The following IMMP2L variants were observed in gnomAD, a reference collection of about 807,000 sequenced individuals.
IMMP2L encodes the protein mitochondrial inner membrane protease subunit 2.
In IMMP2L, 18 loss-of-function variants were observed where a neutral mutation model predicts 19.3. That is an observed-to-expected ratio of 0.93 (90% CI 0.64 to 1.38). IMMP2L has a LOEUF of 1.38. Ranked by LOEUF, IMMP2L falls within the 40% of genes most tolerant of loss-of-function variation. The pLI is 0.00. For missense variants in IMMP2L, 233 were observed against 218.2 expected (o/e 1.07, Z -0.43); for synonymous variants, 76 against 73.0 (o/e 1.04, Z -0.21).
At chr7:110,849,307 T>A (rs1014391108) in intron 5 of IMMP2L, among the ~76,000 whole-genome samples, 2 of 152,118 alleles carry the variant, frequency 1.3e-5, no homozygotes, top group African/African-American at 4.8e-5. Context: ...AAGAGTAACT[T>A]ACAAGAAATG....
At chr7:111,257,481 CATA>C (rs766174130) in intron 3 of IMMP2L, among the ~76,000 whole-genome samples, 11 of 152,098 alleles carry the variant, frequency 7.2e-5, no homozygotes, top group Non-Finnish European at 1.6e-4. Flanking sequence ...TAATTTGGCA[CATA>C]ATAATTCAGG....
chr7:111,389,860 C>T (rs1832162507), intron 3 of IMMP2L, among the ~76,000 whole-genome samples: 1 of 152,000 alleles, frequency 6.6e-6, no homozygotes. Flanking sequence ...GCTAATACAG[C>T]CTATATAATT....
intron 5 of IMMP2L, among the ~76,000 whole-genome samples, chr7:110,667,608 G>A (rs1012745018): frequency 2.6e-5 from 4 of 152,182 alleles, no homozygotes; most frequent in African/African-American, 9.7e-5. Context: ...CTTTGAAGGT[G>A]CAGAAAAGGA....
At chr7:111,271,950 T>A (rs1272739491) in intron 3 of IMMP2L, among the ~76,000 whole-genome samples, 1 of 152,118 alleles carries the variant, frequency 6.6e-6, no homozygotes, top group Non-Finnish European at 1.5e-5. Flanking sequence ...ACCACACTAA[T>A]CTAAACCAGA....
At chr7:111,267,811 C>T (rs953755200) in intron 3 of IMMP2L, among the ~76,000 whole-genome samples, 8 of 152,016 alleles carry the variant, frequency 5.3e-5, no homozygotes, top group Admixed American at 2.6e-4. Flanking sequence ...CCAGGATAGA[C>T]CACAAATTGA....
chr7:110,858,709 C>A (rs533151641), intron 5 of IMMP2L, among the ~76,000 whole-genome samples: 4 of 151,860 alleles, frequency 2.6e-5, no homozygotes, highest in African/African-American at 7.3e-5. Context: ...CCCATTAACT[C>A]GTCATTTAGC....
At chr7:110,744,899 G>A (rs555028284) in intron 5 of IMMP2L, among the ~76,000 whole-genome samples, 1 of 152,254 alleles carries the variant, frequency 6.6e-6, no homozygotes, top group Admixed American at 6.5e-5. Flanking sequence ...TAGAGAATGA[G>A]TTTGACAAAT....
At chr7:110,915,652 G>T (rs78576167) in intron 4 of IMMP2L, among the ~76,000 whole-genome samples, 1 of 152,156 alleles carries the variant, frequency 6.6e-6, no homozygotes, top group Non-Finnish European at 1.5e-5. Context: ...AGTAGCTATA[G>T]ATAGTGACAT....
intron 3 of IMMP2L, among the ~76,000 whole-genome samples, chr7:111,290,989 T>C (rs975733520): frequency 1.3e-5 from 2 of 151,930 alleles, no homozygotes; most frequent in African/African-American, 4.8e-5. Context: ...TCTGTAAATA[T>C]TTGTGGGAGG....
intron 5 of IMMP2L, among the ~76,000 whole-genome samples, chr7:110,839,990 T>C (rs1415984639): frequency 2.0e-5 from 3 of 151,852 alleles, no homozygotes; most frequent in Admixed American, 1.3e-4. Flanking sequence ...CAGACTTCTC[T>C]AGTGTCTGGC....
At position 110,663,626 on chromosome 7, in the gene IMMP2L, T is replaced by G; in HGVS notation, c.504A>C (p.Leu168Phe). ...KLESVLPPER[L>F]PVQREEE ...GTCATTCCTCTTCTCTCTGTACTGGTAAGCGCTCTGGAGGAAGAACAGATT... is the reference window on the plus strand; with the variant it reads ...GTCATTCCTCTTCTCTCTGTACTGGGAAGCGCTCTGGAGGAAGAACAGATT... Residue 168 changes from leucine to phenylalanine, a missense_variant, in exon 6 of 6, where the codon TTA becomes TTC. By Grantham distance (22) the Leu-to-Phe change is conservative. Coordinates refer to ENST00000405709, the MANE Select transcript of IMMP2L (RefSeq NM_032549.4). 6.2e-7 allele frequency: 1 copy of G among 1,613,372 alleles called. No individual in the cohort carries two copies. The highest frequency in any genetic ancestry group is 8.5e-7 in the Non-Finnish European group (1 of 1,179,526).
chr7:111,499,444 T>C (rs185899694), intron 2 of IMMP2L, among the ~76,000 whole-genome samples: 1 of 152,272 alleles, frequency 6.6e-6, no homozygotes, highest in Admixed American at 6.5e-5. Flanking sequence ...ATAGGATTCA[T>C]ATCCGTTAAT....
chr7:111,017,264 A>G (rs1825805816), intron 3 of IMMP2L, among the ~76,000 whole-genome samples: 1 of 151,114 alleles, frequency 6.6e-6, no homozygotes, highest in Non-Finnish European at 1.5e-5. Context: ...GGGTCTCATC[A>G]TGTTGCCCAG....
At chr7:110,939,538 T>C (rs1326114453) in intron 4 of IMMP2L, among the ~76,000 whole-genome samples, 5 of 152,168 alleles carry the variant, frequency 3.3e-5, no homozygotes, top group African/African-American at 4.8e-5. Flanking sequence ...CCTGTAAAGT[T>C]AGTGTTGACA....
chr7:111,184,464 C>G (rs1000143398), intron 3 of IMMP2L, among the ~76,000 whole-genome samples: 2 of 151,970 alleles, frequency 1.3e-5, no homozygotes, highest in African/African-American at 4.8e-5. Context: ...TTCTATTAAA[C>G]AAGGATGCAA....
At chr7:111,314,935 A>C (rs1448469108) in intron 3 of IMMP2L, among the ~76,000 whole-genome samples, 1 of 152,156 alleles carries the variant, frequency 6.6e-6, no homozygotes, top group East Asian at 1.9e-4. Flanking sequence ...TTGACAGAAA[A>C]TCTACCCTTT....
intron 3 of IMMP2L, among the ~76,000 whole-genome samples, chr7:111,481,615 C>A (rs1460071035): frequency 6.6e-6 from 1 of 150,404 alleles, no homozygotes; most frequent in African/African-American, 2.4e-5. Flanking sequence ...TTTTTTCTCT[C>A]CATAGATTAT....
intron 5 of IMMP2L, among the ~76,000 whole-genome samples, chr7:110,669,420 T>G (rs2130312010): frequency 6.6e-6 from 1 of 152,310 alleles, no homozygotes; most frequent in Middle Eastern, 3.4e-3. Context: ...TCTGCTTTAC[T>G]GAAAGTCGAT....
intron 3 of IMMP2L, among the ~76,000 whole-genome samples, chr7:111,037,232 A>C (rs2129570147): frequency 6.6e-6 from 1 of 152,296 alleles, no homozygotes; most frequent in Admixed American, 6.5e-5. Flanking sequence ...ATGGAACATT[A>C]ATCTTAAGAT....
Sources: allele counts gnomAD v4.1 joint callset (sites outside exome capture counted in the v4.1 genomes callset), GRCh38; gene constraint gnomAD v4.1.1; transcripts MANE v1.5; gene names NCBI Gene and HGNC (gene_info 2026-07-23, HGNC 2026-07-21).